The following TMEM242 variants were observed in gnomAD, a reference collection of about 807,000 sequenced individuals.
TMEM242 encodes the protein UPF0463 transmembrane protein C6orf35.
TMEM242 carries 10 observed loss-of-function variants against 18.2 expected under a neutral mutation model. The ratio of observed to expected loss-of-function variants is 0.55; its 90% CI spans 0.34 to 0.93. The LOEUF (loss-of-function observed/expected upper bound fraction) is 0.93. Ranked by LOEUF, TMEM242 falls within the 40% of genes least tolerant of loss-of-function variation. TMEM242 has a pLI of 0.02. For synonymous variants in TMEM242, 57 were observed against 69.9 expected (o/e 0.81, Z 0.92); for missense variants, 186 against 175.5 (o/e 1.06, Z -0.34).
intron 3 of TMEM242, among the ~76,000 whole-genome samples, chr6:157,293,383 C>CAAACA (rs1777709573): frequency 6.6e-6 from 1 of 151,802 alleles, no homozygotes; most frequent in Admixed American, 6.6e-5. Context: ...AACAAACAAA[C>CAAACA]AAACCACTCT....
At chr6:157,322,947 C>T (rs1367718874) in intron 1 of TMEM242, 142 bp from the exon 2 acceptor site, 29 of 711,500 alleles carry the variant, frequency 4.1e-5, no homozygotes, top group African/African-American at 2.1e-4. Flanking sequence ...CATGGCTAAG[C>T]AGCTCTTGCT....
intron 3 of TMEM242, among the ~76,000 whole-genome samples, chr6:157,293,317 G>A (rs782730521): frequency 6.6e-5 from 10 of 151,924 alleles, no homozygotes; most frequent in Non-Finnish European, 1.3e-4. Context: ...AGGAGTTTGA[G>A]TCCAGCCTGG....
At chr6:157,317,101 G>A (rs1554250406) in intron 3 of TMEM242, among the ~76,000 whole-genome samples, 1 of 152,088 alleles carries the variant, frequency 6.6e-6, no homozygotes, top group Non-Finnish European at 1.5e-5. Flanking sequence ...GCATATACAT[G>A]CTGTTAATTC....
chr6:157,322,561 G>T, intron 2 of TMEM242, 144 bp downstream of exon 2: 1 of 589,604 alleles, frequency 1.7e-6, no homozygotes. Flanking sequence ...TGGTTAATTT[G>T]TACATTTCTA....
intron 3 of TMEM242, among the ~76,000 whole-genome samples, chr6:157,317,115 C>A (rs1778405434): frequency 6.6e-6 from 1 of 152,184 alleles, no homozygotes; most frequent in African/African-American, 2.4e-5. Context: ...TTAATTCTCC[C>A]AATGTAAAAT....
At chr6:157,315,057 T>C (rs1248338005) in intron 3 of TMEM242, among the ~76,000 whole-genome samples, 5 of 152,226 alleles carry the variant, frequency 3.3e-5, no homozygotes, top group African/African-American at 9.6e-5. Context: ...ATTTATTGAG[T>C]GCATAGACTT....
At position 157,289,445 on chromosome 6, in the gene TMEM242, G is replaced by T. The variant is rs1188014984; in HGVS notation, c.*3456C>A. On this transcript the variant is annotated 3_prime_UTR_variant, in exon 4 of 4. Transcript: ENST00000400788. Reference sequence around the variant, plus strand: ...AGCAAAAACACTTCACTTGAACATGGTATTATAAAAATATGTATTTTACTA... The same window carrying T: ...AGCAAAAACACTTCACTTGAACATGTTATTATAAAAATATGTATTTTACTA... 1 of 152,064 alleles carries T rather than the reference G, an allele frequency of 6.6e-6. No individual in the cohort carries two copies. Among genetic ancestry groups the T allele is most frequent in the Non-Finnish European group, 1.5e-5 (1 of 68,010 alleles). 9.4% of individuals were successfully genotyped at this position (152,064 alleles called of 1,614,324 possible).
intron 3 of TMEM242, among the ~76,000 whole-genome samples, chr6:157,303,151 C>A (rs1777852566): frequency 6.6e-6 from 1 of 152,216 alleles, no homozygotes; most frequent in African/African-American, 2.4e-5. Context: ...AGAAGGATCA[C>A]CTTTTATTTA....
In TMEM242 at chr6:157,296,042, T is replaced by C. The variant is rs1056285366; in HGVS notation, c.328-3043A>G. Among the ~76,000 whole-genome samples, 9 of 152,346 alleles carry C rather than the reference T, an allele frequency of 5.9e-5. No individual in the cohort carries two copies. The South Asian group carries it at 1.4e-3, about 25-fold the overall frequency. On this transcript the variant is annotated intron_variant, in intron 3 of 3. Coordinates refer to ENST00000400788, the MANE Select transcript of TMEM242 (RefSeq NM_018452.6). The stretch of plus-strand genomic sequence containing the variant: ...GGTATTGGTTTGACCAATGATTCTC[T>C]ATACATGAAGCCAACAGAACATTTC...
chr6:157,316,813 T>C (rs1554250381), intron 3 of TMEM242, among the ~76,000 whole-genome samples: 1 of 152,190 alleles, frequency 6.6e-6, no homozygotes, highest in Non-Finnish European at 1.5e-5. Context: ...GAGGCTGCAG[T>C]GAGCTGAGGT....
At chr6:157,312,357 G>GCCACAGTGTGCAC (rs1778175423) in intron 3 of TMEM242, among the ~76,000 whole-genome samples, 1 of 38,898 alleles carries the variant, frequency 2.6e-5, no homozygotes. Flanking sequence ...GCCTCATCAT[G>GCCACAGTGTGCAC]TCCCAGTGTG....
intron 3 of TMEM242, among the ~76,000 whole-genome samples, chr6:157,311,426 A>T (rs111294690): frequency 0.05 from 347 of 6,998 alleles, no homozygotes; most frequent in Middle Eastern, 0.11. Flanking sequence ...GTGCACGCAT[A>T]CGGCCTCATC....
At position 157,316,194 on chromosome 6, in the gene TMEM242, T is replaced by C. The variant is rs1277026163; in HGVS notation, c.327+2588A>G. 3.3e-5 allele frequency among the ~76,000 whole-genome samples: 5 copies of C among 152,222 alleles called. No homozygotes were observed. The East Asian group carries it at 5.8e-4, about 18-fold the overall frequency. ...TAAAGTGCTAGCAGACTGTCATTTT[T>C]ATAGAAACTAGAAGCTTAATAACTT... On this transcript the variant is annotated intron_variant, in intron 3 of 3. Transcript: ENST00000400788.
At chr6:157,310,261 T>C (rs1448121608) in intron 3 of TMEM242, among the ~76,000 whole-genome samples, 4 of 152,228 alleles carry the variant, frequency 2.6e-5, no homozygotes, top group Non-Finnish European at 5.9e-5. Flanking sequence ...TCTTCTTTGA[T>C]AGTTAGGGAA....
Position 157,323,503 on chromosome 6 carries a change from T to C in TMEM242, c.-4A>G, listed in dbSNP as rs1554250888. Reference sequence around the variant, plus strand: ...TTGCAGCGCCCGCTGTCTCCATGTTTAGGTCGCCTCTAGTGCGTCCGTCCC... The same window carrying C: ...TTGCAGCGCCCGCTGTCTCCATGTTCAGGTCGCCTCTAGTGCGTCCGTCCC... On this transcript the variant is annotated 5_prime_UTR_variant, in exon 1 of 4. Transcript: ENST00000400788. The C allele has an allele frequency of 3.7e-6, 6 of 1,613,386 alleles. No homozygotes were observed. Among genetic ancestry groups the C allele is most frequent in the South Asian group, 3.3e-5 (3 of 91,058 alleles).
intron 3 of TMEM242, among the ~76,000 whole-genome samples, chr6:157,311,556 G>A (rs868936899): frequency 0.18 from 1,522 of 8,244 alleles, 6 homozygotes; most frequent in Middle Eastern, 0.3. Flanking sequence ...CCCAGTGTGC[G>A]CTCACCTAGC....
rs587631877 is a variant in TMEM242, at chr6:157,323,437, C to A, written c.63G>T (p.Thr21=). ...PASGLEAPGS[T]NDRLFLVKGG... is the part of the protein sequence containing the mutation. Reference sequence around the variant, plus strand: ...CTTTAACCAGGAAAAGCCGGTCATTCGTGGACCCCGGAGCCTCCAGCCCAG... The same window carrying A: ...CTTTAACCAGGAAAAGCCGGTCATTAGTGGACCCCGGAGCCTCCAGCCCAG... Residue 21 remains threonine, a synonymous_variant, in exon 1 of 4, where the codon ACG becomes ACT. Transcript: ENST00000400788. 4 of 1,614,118 alleles carry A rather than the reference C, an allele frequency of 2.5e-6. No homozygotes were observed. In the South Asian group the frequency reaches 4.4e-5, roughly 18 times the overall value.
chr6:157,292,927 A>C lies in TMEM242; in HGVS notation c.400T>G (p.Trp134Gly), dbSNP rs1583554100. Residue 134 changes from tryptophan to glycine, a missense_variant, in exon 4 of 4, where the codon TGG becomes GGG. Coordinates refer to ENST00000400788, the MANE Select transcript of TMEM242 (RefSeq NM_018452.6). The part of the protein sequence containing the change: ...IPKNSESAVE[W>G]EETLKSK ...CATTTGGATTTCAATGTTTCCTCCC[A>C]CTCAACAGCCGATTCGGAGTTCTTG... 6.2e-7 allele frequency: 1 copy of C among 1,613,364 alleles called. No homozygotes were observed. Among genetic ancestry groups the C allele is most frequent in the Non-Finnish European group, 8.5e-7 (1 of 1,179,520 alleles).
In TMEM242 at chr6:157,292,786, G is replaced by C; in HGVS notation, c.*115C>G. 1.2e-6 allele frequency: 1 copy of C among 805,078 alleles called. No homozygotes were observed. The highest frequency in any genetic ancestry group is 1.7e-5 in the African/African-American group (1 of 59,332). 49.9% of individuals were successfully genotyped at this position (805,078 alleles called of 1,614,324 possible). Reference sequence around the variant, plus strand: ...GAATGCTATCCAGTGCACTGGTTCAGTCAGCAATCTGCCCATGTTCCTGGG... The same window carrying C: ...GAATGCTATCCAGTGCACTGGTTCACTCAGCAATCTGCCCATGTTCCTGGG... On this transcript the variant is annotated 3_prime_UTR_variant, in exon 4 of 4. Transcript: ENST00000400788.
Sources: gnomAD v4.1 joint callset for allele counts (sites outside exome capture counted in the v4.1 genomes callset) on GRCh38, gnomAD v4.1.1 for gene constraint, MANE v1.5 for transcripts, NCBI Gene and HGNC (gene_info 2026-07-23, HGNC 2026-07-21) for gene names.